The following NXN variants were observed in gnomAD, a reference collection of about 807,000 sequenced individuals.
The protein encoded by NXN is nucleoredoxin.
Under a neutral mutation model 48.6 loss-of-function variants are expected in NXN, and 16 were observed. The observed-to-expected ratio is 0.33, with a 90% CI of 0.22 to 0.50. The LOEUF (loss-of-function observed/expected upper bound fraction) is 0.50, where lower values mean the gene tolerates loss of function less well. NXN is among the 20% of genes least tolerant of loss of function. The pLI, the probability that NXN is intolerant of heterozygous loss-of-function variation, is 0.98. For synonymous variants in NXN, 281 were observed against 269.6 expected, an observed-to-expected ratio of 1.04 and a Z score of -0.41; for missense variants, 492 against 605.5, an observed-to-expected ratio of 0.81 and a Z score of 1.97.
rs912762778 is a variant in NXN at position 840,863 on chromosome 17, G to A, written c.361-14785C>T. 7.2e-5 allele frequency among the ~76,000 whole-genome samples: 11 copies of A among 152,270 alleles called. No homozygotes were observed. The East Asian group carries it at 7.7e-4, about 11-fold the overall frequency. ...ACAGACGACTCCCAGGATAAAGGAC[G>A]GCACACCAAGCTTCTCTTAGGGTGA... On this transcript the variant is annotated intron_variant, in intron 1 of 7. Coordinates refer to ENST00000336868, the MANE Select transcript of NXN (RefSeq NM_022463.5).
intron 1 of NXN, among the ~76,000 whole-genome samples, chr17:826,798 G>A (rs1913126339): frequency 2.0e-5 from 3 of 152,298 alleles, no homozygotes; most frequent in South Asian, 4.1e-4. Context: ...CTCGGCTCTC[G>A]GTGCCGCGTA....
intron 1 of NXN, among the ~76,000 whole-genome samples, chr17:843,016 G>GA (rs1363457563): frequency 4.4e-5 from 5 of 113,204 alleles, no homozygotes; most frequent in African/African-American, 1.8e-4. Context: ...GAGAAAGAAA[G>GA]AAAGAAAGAA....
At chr17:931,612 G>A (rs1332564146) in intron 1 of NXN, among the ~76,000 whole-genome samples, 12 of 151,110 alleles carry the variant, frequency 7.9e-5, no homozygotes, top group South Asian at 6.3e-4. Flanking sequence ...CGAGGTGGGC[G>A]GATCGTGAGG....
At chr17:902,328 C>T (rs563594530) in intron 1 of NXN, among the ~76,000 whole-genome samples, 2 of 152,336 alleles carry the variant, frequency 1.3e-5, no homozygotes, top group East Asian at 1.9e-4. Flanking sequence ...GTGAGATCCA[C>T]GAGGATCCGT....
intron 4 of NXN, among the ~76,000 whole-genome samples, chr17:820,922 TAAAAAAAAAAAAAAAAAC>T (rs1567817242): frequency 1.6e-4 from 4 of 24,456 alleles, no homozygotes; most frequent in Non-Finnish European, 8.0e-5. Flanking sequence ...AGACTCCACC[TAAAAAAAAAAAAAAAAAC>T]AAAAAAAAAA....
chr17:917,218 C>T lies in NXN; in HGVS notation c.360+62101G>A, dbSNP rs915910834. Reference sequence around the variant, plus strand: ...GTGCAATGGCGCGACCTCGGCTCGCCGTGGCCTCCGCCTCGCGGGTTCAAG... The same window carrying T: ...GTGCAATGGCGCGACCTCGGCTCGCTGTGGCCTCCGCCTCGCGGGTTCAAG... On this transcript the variant is annotated intron_variant, in intron 1 of 7. Coordinates refer to ENST00000336868, the MANE Select transcript of NXN (RefSeq NM_022463.5). This position sits in a 1 kb window ranked among gnomAD's most constrained non-coding sequence, Gnocchi z 4.5. Among the ~76,000 whole-genome samples the T allele has an allele frequency of 1.3e-5, 2 of 152,156 alleles. No individual in the cohort carries two copies. Among genetic ancestry groups the T allele is most frequent in the East Asian group, 1.9e-4 (1 of 5,150 alleles).
intron 5 of NXN, among the ~76,000 whole-genome samples, chr17:810,753 G>A (rs1484384111): frequency 1.3e-5 from 2 of 152,262 alleles, no homozygotes; most frequent in East Asian, 3.9e-4. Flanking sequence ...GCTGGGCGTG[G>A]TAGCGCACCC....
At position 803,779 on chromosome 17, in the gene NXN, G is replaced by T. The variant is rs537114982; in HGVS notation, c.1028C>A (p.Ala343Glu). 2 of 1,614,180 alleles carry T rather than the reference G, an allele frequency of 1.2e-6. No individual in the cohort carries two copies. The highest frequency in any genetic ancestry group is 1.7e-6 in the Non-Finnish European group (2 of 1,180,038). Reference sequence around the variant, plus strand: ...TATCGGCTGAATCAGCTGCTTGGCCGCCTCGGACTCTCCGTCATCCTCAGA... The same window carrying T: ...TATCGGCTGAATCAGCTGCTTGGCCTCCTCGGACTCTCCGTCATCCTCAGA... Reference protein sequence around the residue: ...VDSEDDGESEAAKQLIQPIAE... With the variant: ...VDSEDDGESEEAKQLIQPIAE... The change falls in exon 7 of 8, where the codon GCG becomes GAG. Residue 343 changes from alanine (A) to glutamate (E), a missense_variant. Transcript: ENST00000336868.
At chr17:876,750 A>T (rs1280944733) in intron 1 of NXN, among the ~76,000 whole-genome samples, 1 of 152,084 alleles carries the variant, frequency 6.6e-6, no homozygotes, top group South Asian at 2.1e-4. Context: ...TATGTCATCA[A>T]AATTAACTCT....
chr17:857,919 C>G (rs889708466), intron 1 of NXN, among the ~76,000 whole-genome samples: 2 of 151,954 alleles, frequency 1.3e-5, no homozygotes, highest in African/African-American at 4.8e-5. Context: ...CAATAAATTA[C>G]TAACGTTTCT....
chr17:868,866 G>GT (rs2068122318), intron 1 of NXN, among the ~76,000 whole-genome samples: 1 of 152,236 alleles, frequency 6.6e-6, no homozygotes, highest in Non-Finnish European at 1.5e-5. Flanking sequence ...TCCCGCCTGT[G>GT]TTTGTAGGAT....
intron 1 of NXN, among the ~76,000 whole-genome samples, chr17:939,906 G>A (rs1417254488): frequency 6.6e-6 from 1 of 151,890 alleles, no homozygotes; most frequent in African/African-American, 2.4e-5. Flanking sequence ...CTGCAGTGGG[G>A]CAGGGAGAGT....
rs533412790 is a variant in NXN, at chr17:953,049, C to G, written c.360+26270G>C. 3.9e-5 allele frequency among the ~76,000 whole-genome samples: 6 copies of G among 152,250 alleles called. 1 individual carries two copies. In the South Asian group the frequency reaches 1.2e-3, roughly 32 times the overall value. The stretch of plus-strand genomic sequence containing the variant: ...GCCATGAAGACCACTTCAAGGTGGT[C>G]CCTGGAATCCAGTGAGGGGCTCAGT... On this transcript the variant is annotated intron_variant, in intron 1 of 7. Coordinates refer to ENST00000336868, the MANE Select transcript of NXN (RefSeq NM_022463.5).
At chr17:959,264 T>C in intron 1 of NXN, 2 of 564,430 alleles carry the variant, frequency 3.5e-6, no homozygotes, top group East Asian at 3.9e-5. Flanking sequence ...AGCCTTCCTT[T>C]CCCCTCCATG....
At chr17:833,622 G>GCA in intron 1 of NXN, among the ~76,000 whole-genome samples, 1 of 152,186 alleles carries the variant, frequency 6.6e-6, no homozygotes. Context: ...AGAGAAAAAG[G>GCA]CACATACAGC....
chr17:930,832 T>C (rs62067195), intron 1 of NXN, among the ~76,000 whole-genome samples: 1 of 150,702 alleles, frequency 6.6e-6, no homozygotes, highest in Non-Finnish European at 1.5e-5. Flanking sequence ...AGTGCAGTGG[T>C]GCGATCTCGG....
At chr17:803,878 C>A in intron 6 of NXN, 72 bp from the exon 7 acceptor site, 1 of 1,594,606 alleles carries the variant, frequency 6.3e-7, no homozygotes, top group South Asian at 1.1e-5. Flanking sequence ...CGGCACCCGC[C>A]GAGGGGGCCT....
intron 1 of NXN, among the ~76,000 whole-genome samples, chr17:841,964 T>A (rs1362106054): frequency 6.6e-6 from 1 of 152,090 alleles, no homozygotes; most frequent in African/African-American, 2.4e-5. Flanking sequence ...TGGTGAAATC[T>A]GTCTCTACCA....
At chr17:902,372 G>A (rs2068545462) in intron 1 of NXN, among the ~76,000 whole-genome samples, 1 of 152,196 alleles carries the variant, frequency 6.6e-6, no homozygotes, top group Admixed American at 6.5e-5. Context: ...GCACGAGAAT[G>A]TCCTTCTGAA....
Sources: allele counts gnomAD v4.1 joint callset (sites outside exome capture counted in the v4.1 genomes callset), GRCh38; gene constraint gnomAD v4.1.1; non-coding constraint Gnocchi (gnomAD v3.1); transcripts MANE v1.5; gene names NCBI Gene and HGNC (gene_info 2026-07-23, HGNC 2026-07-21).